AKNA: variants seen among roughly 807,000 people sequenced by gnomAD.
AKNA encodes AT-hook transcription factor.
A neutral mutation model predicts 138.8 loss-of-function variants in AKNA; 67 were observed. The observed-to-expected ratio is 0.48, with a 90% CI of 0.40 to 0.59. The LOEUF is 0.59. Among genes scored for constraint, AKNA ranks in the 20% least tolerant of loss-of-function variants. AKNA has a pLI of 0.00. For synonymous variants in AKNA, 737 were observed against 754.4 expected (o/e 0.98, Z 0.38); for missense variants, 1,813 against 1,880.4 (o/e 0.96, Z 0.66).
At chr9:114,382,737 A>G (rs567968638) in intron 1 of AKNA, among the ~76,000 whole-genome samples, 3 of 152,340 alleles carry the variant, frequency 2.0e-5, no homozygotes, top group Non-Finnish European at 4.4e-5. Flanking sequence ...CAAAGGTCAC[A>G]TATAGTGTGA....
intron 1 of AKNA, among the ~76,000 whole-genome samples, chr9:114,384,323 C>T (rs1833887859): frequency 6.6e-6 from 1 of 152,210 alleles, no homozygotes; most frequent in East Asian, 1.9e-4. Context: ...GCAATCCCAG[C>T]ACTTTGGGAG....
At chr9:114,393,213 CTTTTTTTTTTTT>C in intron 1 of AKNA, among the ~76,000 whole-genome samples, 1 of 132,160 alleles carries the variant, frequency 7.6e-6, no homozygotes, top group Admixed American at 7.7e-5. Context: ...ACAGTATAAT[CTTTTTTTTTTTT>C]TTTTTTTGGA....
At chr9:114,340,516 T>A (rs1466296196) in intron 21 of AKNA, among the ~76,000 whole-genome samples, 1 of 152,212 alleles carries the variant, frequency 6.6e-6, no homozygotes, top group Non-Finnish European at 1.5e-5. Flanking sequence ...CGTGACCAAA[T>A]GGCACCACAA....
At position 114,337,068 on chromosome 9, in the gene AKNA, A is replaced by G; in HGVS notation, c.4306T>C (p.Ser1436Pro). ...DLRQAHSLRG[S>P]CLF is the part of the protein sequence containing the mutation. The stretch of plus-strand genomic sequence containing the variant: ...CCCCAGTGAAGTCAGAAGAGGCAGG[A>G]GCCCCGCAGGCTGTGAGCCTGGCGC... The change falls in exon 22 of 22, where the codon TCC (serine) becomes CCC (proline). Residue 1436 changes from serine to proline, a missense_variant. Transcript: ENST00000374088. The G allele has an allele frequency of 8.0e-7, 1 of 1,248,520 alleles. No homozygotes were observed. The highest frequency in any genetic ancestry group is 1.3e-5 in the South Asian group (1 of 76,966). 77.3% of individuals were successfully genotyped at this position (1,248,520 alleles called of 1,614,324 possible).
chr9:114,394,209 GGTA>G (rs2132162298), intron 1 of AKNA: 1 of 152,100 alleles, frequency 6.6e-6, no homozygotes, highest in East Asian at 1.9e-4. Flanking sequence ...ATTATCACTA[GGTA>G]GTAGAATTAT....
At chr9:114,333,859 G>C (rs1263324440), downstream of AKNA, among the ~76,000 whole-genome samples, 1 of 150,994 alleles carries the variant, frequency 6.6e-6, no homozygotes, top group African/African-American at 2.5e-5. Flanking sequence ...GTCCCCACCC[G>C]AATCTCACAT....
At chr9:114,380,171 T>C (rs1833534147) in intron 2 of AKNA, among the ~76,000 whole-genome samples, 1 of 150,526 alleles carries the variant, frequency 6.6e-6, no homozygotes, top group Non-Finnish European at 1.5e-5. Flanking sequence ...AAAAATAAAG[T>C]CAAAAATGGA....
intron 18 of AKNA, 86 bp from the exon 19 acceptor site, chr9:114,343,889 C>T (rs1830516004): frequency 8.1e-7 from 1 of 1,230,170 alleles, no homozygotes; most frequent in Non-Finnish European, 1.2e-6. Context: ...ATCTCCTCTT[C>T]CTCCAAATGG....
At chr9:114,332,362 C>A (rs1456609534), downstream of AKNA, among the ~76,000 whole-genome samples, 5 of 152,124 alleles carry the variant, frequency 3.3e-5, no homozygotes, top group Admixed American at 3.3e-4. Context: ...GCCACAGTCA[C>A]CATCCCGATT....
upstream of AKNA, among the ~76,000 whole-genome samples, chr9:114,392,136 C>A (rs1174486557): frequency 6.8e-6 from 1 of 147,070 alleles, no homozygotes; most frequent in Non-Finnish European, 1.5e-5. Flanking sequence ...CACAGGGAGT[C>A]TGAGGGAAAG....
chr9:114,386,419 G>T (rs1834035402), intron 1 of AKNA, among the ~76,000 whole-genome samples: 3 of 152,270 alleles, frequency 2.0e-5, no homozygotes, highest in African/African-American at 7.2e-5. Flanking sequence ...CTGAAAGTAT[G>T]GCCTGACCTT....
chr9:114,377,754 TC>T, intron 2 of AKNA: 1 of 569,270 alleles, frequency 1.8e-6, no homozygotes, highest in Non-Finnish European at 3.1e-6. Context: ...CGGTGGATGG[TC>T]CCTCCAGTGT....
chr9:114,372,625 C>G (rs1832856333), intron 4 of AKNA, among the ~76,000 whole-genome samples: 1 of 152,176 alleles, frequency 6.6e-6, no homozygotes, highest in Non-Finnish European at 1.5e-5. Flanking sequence ...CTTCAGAGGC[C>G]CCTATCCCAA....
rs1030541360 is a variant in AKNA, at chr9:114,372,201, G to C, written c.1416+1892C>G. On this transcript the variant is annotated intron_variant, in intron 4 of 21. Transcript: ENST00000374088. ...GGTTGGGGGAGGGAGCAGAGCCCTC[G>C]GGCCAAGCAATCATTTTTCCAGAAA... Among the ~76,000 whole-genome samples the C allele has an allele frequency of 4.6e-5, 7 of 152,110 alleles. No individual in the cohort carries two copies. In the East Asian group the frequency reaches 7.7e-4, roughly 17 times the overall value.
At position 114,335,624 on chromosome 9, in the gene AKNA, A is replaced by G. The variant is rs940225851; in HGVS notation, c.*1430T>C. 3.9e-5 allele frequency: 6 copies of G among 152,106 alleles called. No individual in the cohort carries two copies. Among genetic ancestry groups the G allele is most frequent in the African/African-American group, 1.4e-4 (6 of 41,412 alleles). 9.4% of individuals were successfully genotyped at this position (152,106 alleles called of 1,614,324 possible). A position where few individuals can be genotyped will look rare whatever the true frequency, so the allele number is the denominator to read the frequency against. On this transcript the variant is annotated 3_prime_UTR_variant, in exon 22 of 22. Transcript: ENST00000374088. ...CTGTCTCTACTAAAAATACAAAATTAGCCAGACGTGGTGGTGCATGCCTGT... is the reference window on the plus strand; with the variant it reads ...CTGTCTCTACTAAAAATACAAAATTGGCCAGACGTGGTGGTGCATGCCTGT...
chr9:114,355,782 T>G lies in AKNA; in HGVS notation c.3058+143A>C, dbSNP rs1831457186. On this transcript the variant is annotated intron_variant, in intron 14 of 21. Coordinates refer to ENST00000374088, the MANE Select transcript of AKNA (RefSeq NM_001317950.2). ...TCCAGAGTATTTTTTTTTCTTTTGT[T>G]CCCTTTTGTCCACGTTATCTGTAAT... The G allele has an allele frequency of 7.2e-5, 65 of 906,860 alleles. 1 individual carries two copies. The South Asian group carries it at 1.1e-3, about 15-fold the overall frequency. The allele number at this position is 906,860 out of a possible 1,614,324, so 56.2% of individuals were successfully genotyped here. A position where few individuals can be genotyped will look rare whatever the true frequency, so the allele number is the denominator to read the frequency against.
At chr9:114,352,551 C>G (rs1238742246) in intron 14 of AKNA, among the ~76,000 whole-genome samples, 1 of 151,386 alleles carries the variant, frequency 6.6e-6, no homozygotes, top group African/African-American at 2.4e-5. Flanking sequence ...GAGCTGAGAT[C>G]GTACCACTAC....
downstream of AKNA, among the ~76,000 whole-genome samples, chr9:114,332,282 G>A (rs373963857): frequency 1.9e-3 from 282 of 151,366 alleles, no homozygotes; most frequent in Middle Eastern, 3.4e-3. Flanking sequence ...TCCACTCCCC[G>A]CTCATTTTTA....
At chr9:114,384,082 G>A (rs1445204225) in intron 1 of AKNA, among the ~76,000 whole-genome samples, 2 of 152,184 alleles carry the variant, frequency 1.3e-5, no homozygotes. Flanking sequence ...AAACATGAGG[G>A]TAGAATTTGG....
Sources: allele counts gnomAD v4.1 joint callset (sites outside exome capture counted in the v4.1 genomes callset), GRCh38; gene constraint gnomAD v4.1.1; transcripts MANE v1.5; gene names NCBI Gene and HGNC (gene_info 2026-07-23, HGNC 2026-07-21).